The following SI variants were observed in gnomAD, a reference collection of about 807,000 sequenced individuals.
SI encodes sucrase-isomaltase, intestinal.
Under a neutral mutation model 253.3 loss-of-function variants are expected in SI, and 235 were observed. That is an observed-to-expected ratio of 0.93 (90% CI 0.83 to 1.03). The LOEUF is 1.03. SI is among the 50% of genes least tolerant of loss of function. The pLI is 0.00. For synonymous variants in SI, 819 were observed against 712.0 expected (o/e 1.15, Z -2.39); for missense variants, 2,442 against 2,211.1 (o/e 1.10, Z -2.09).
At chr3:164,996,447 T>C (rs1373669667) in intron 40 of SI, 88 bp downstream of exon 40, 6 of 830,050 alleles carry the variant, frequency 7.2e-6, no homozygotes, top group Non-Finnish European at 1.1e-5. Context: ...TCAATAAATA[T>C]ACCAGCTAAC....
chr3:165,050,066 TAG>T (rs1235256885), intron 13 of SI, among the ~76,000 whole-genome samples, 191 bp from the exon 14 acceptor site: 1 of 152,112 alleles, frequency 6.6e-6, no homozygotes, highest in Admixed American at 6.6e-5. Flanking sequence ...TTAGATGGGA[TAG>T]AGAGATTTTA....
rs1476038133 is a variant in SI, at chr3:165,055,301, G to A, written c.1405C>T (p.Pro469Ser). ...AAATCAGGGTATACTGTTAATCCTG[G>A]CCATACCTAGAAGAATAGATCATTC... The part of the protein sequence containing the change: ...GSTPIIGEVW[P>S]GLTVYPDFTN... Residue 469 changes from proline (P) to serine (S), a missense_variant, in exon 13 of 48, where the codon CCA becomes TCA. By Grantham distance (74) the Pro-to-Ser change is moderately conservative. Transcript: ENST00000264382. 1 of 1,547,994 alleles carries A rather than the reference G, an allele frequency of 6.5e-7. No homozygotes were observed. Among genetic ancestry groups the A allele is most frequent in the Non-Finnish European group, 8.9e-7 (1 of 1,121,432 alleles).
chr3:165,017,924 A>G (rs759768655), intron 29 of SI, 46 bp downstream of exon 29: 1 of 1,581,984 alleles, frequency 6.3e-7, no homozygotes, highest in South Asian at 1.1e-5. Context: ...CTAGTTTATG[A>G]AAAAGTCACA....
intron 21 of SI, among the ~76,000 whole-genome samples, chr3:165,037,621 A>T (rs937212112): frequency 2.0e-5 from 3 of 151,948 alleles, no homozygotes; most frequent in African/African-American, 7.2e-5. Context: ...ATAGTTATTA[A>T]GAATCAAATA....
At chr3:165,014,647 A>G (rs963244533) in intron 33 of SI, among the ~76,000 whole-genome samples, 5 of 152,126 alleles carry the variant, frequency 3.3e-5, no homozygotes, top group Admixed American at 2.6e-4. Flanking sequence ...GCCAAATCAA[A>G]ATATTTTTGT....
chr3:165,052,761 C>T (rs1713497787), intron 13 of SI, among the ~76,000 whole-genome samples: 1 of 152,062 alleles, frequency 6.6e-6, no homozygotes, highest in Non-Finnish European at 1.5e-5. Context: ...TTTATACTCA[C>T]ATTTAAACTA....
chr3:165,059,932 T>TA lies in SI; in HGVS notation c.1115dup (p.Arg373LysfsTer11). 1 of 1,612,236 alleles carries TA rather than the reference T, an allele frequency of 6.2e-7. No individual in the cohort carries two copies. The highest frequency in any genetic ancestry group is 1.3e-5 in the African/African-American group (1 of 74,984). ...GTATGCCAGCTTCCCGGTTTCTCCT[T>TA]ACCACTTCTTTCACTACATCTAGTG... On this transcript the variant is annotated frameshift_variant, in exon 10 of 48. Coordinates refer to ENST00000264382, the MANE Select transcript of SI (RefSeq NM_001041.4). LOFTEE classifies it high-confidence loss of function.
intron 16 of SI, among the ~76,000 whole-genome samples, chr3:165,044,454 C>A (rs1383754141): frequency 6.6e-6 from 1 of 151,896 alleles, no homozygotes; most frequent in African/African-American, 2.4e-5. Flanking sequence ...AATTTTATCA[C>A]CTTTCTTCAT....
At chr3:165,040,855 C>A (rs1048766441) in intron 18 of SI, 85 bp downstream of exon 18, 5 of 1,085,228 alleles carry the variant, frequency 4.6e-6, no homozygotes, top group Admixed American at 1.8e-5. Context: ...TAATTGATAT[C>A]TTGATTTACC....
chr3:165,071,628 T>C (rs1024472292), intron 3 of SI, among the ~76,000 whole-genome samples: 2 of 152,028 alleles, frequency 1.3e-5, no homozygotes, highest in African/African-American at 2.4e-5. Context: ...TATTTGGAGA[T>C]AGGTCCTTTA....
At chr3:165,032,959 T>G (rs894637972) in intron 23 of SI, among the ~76,000 whole-genome samples, 2 of 151,492 alleles carry the variant, frequency 1.3e-5, no homozygotes, top group African/African-American at 4.8e-5. Context: ...TGATGAAGAA[T>G]AATTTAGCTT....
intron 45 of SI, among the ~76,000 whole-genome samples, chr3:164,984,230 T>C (rs1307257819): frequency 6.6e-6 from 1 of 152,220 alleles, no homozygotes; most frequent in East Asian, 1.9e-4. Flanking sequence ...TGGGGTAACA[T>C]TGAAAAAGCA....
rs1012189900 is a variant in SI at position 165,036,557 on chromosome 3, A to G, written c.2427-80T>C. 41 of 953,716 alleles carry G rather than the reference A, an allele frequency of 4.3e-5. 1 individual carries two copies. The African/African-American group carries it at 4.7e-4, about 11-fold the overall frequency. The allele number at this position is 953,716 out of a possible 1,614,324, so 59.1% of individuals were successfully genotyped here. ...ATATCCTATAAACAAGTCCACTTCA[A>G]CCTGTCTGTTTTATGGGCCCTGAAT... is the stretch of plus-strand genomic sequence containing the variant. On this transcript the variant is annotated intron_variant, in intron 21 of 47. Coordinates refer to ENST00000264382, the MANE Select transcript of SI (RefSeq NM_001041.4).
intron 38 of SI, 105 bp downstream of exon 38, chr3:164,998,432 TGAA>T: frequency 8.4e-7 from 1 of 1,190,474 alleles, no homozygotes; most frequent in Non-Finnish European, 1.2e-6. Context: ...AAGTACGATG[TGAA>T]GAACAAAATT....
chr3:165,081,399 A>T (rs1715318525), upstream of SI, among the ~76,000 whole-genome samples: 2 of 152,090 alleles, frequency 1.3e-5, no homozygotes, highest in South Asian at 4.1e-4. Flanking sequence ...ATTAATGTTC[A>T]ACTACTCTCT....
chr3:165,032,779 G>T (rs1009778048), intron 23 of SI, 87 bp from the exon 24 acceptor site: 6 of 839,240 alleles, frequency 7.1e-6, no homozygotes, highest in African/African-American at 1.7e-5. Flanking sequence ...GCAAAAAAAG[G>T]TCATCATCTA....
At chr3:165,014,581 T>A (rs1025797146) in intron 33 of SI, among the ~76,000 whole-genome samples, 2 of 152,132 alleles carry the variant, frequency 1.3e-5, no homozygotes, top group Admixed American at 6.5e-5. Context: ...GTGTTATCAT[T>A]GTTGTTCATT....
intron 18 of SI, 60 bp downstream of exon 18, chr3:165,040,880 C>T: frequency 7.3e-7 from 1 of 1,366,938 alleles, no homozygotes; most frequent in Non-Finnish European, 1.0e-6. Context: ...TTAAACTTTT[C>T]TGTGTATGTT....
chr3:165,003,756 T>C lies in SI; in HGVS notation c.4406+3060A>G, dbSNP rs140806621. Among the ~76,000 whole-genome samples, 98 of 152,136 alleles carry C rather than the reference T, an allele frequency of 6.4e-4. 2 individuals are homozygous for C. Among genetic ancestry groups the C allele is most frequent in the African/African-American group, 2.1e-3 (86 of 41,548 alleles). ...GCTATAAAAGAGACCAATTAAATAA[T>C]AATTTATTTAAAAATCACAAGCCTT... On this transcript the variant is annotated intron_variant, in intron 37 of 47. Transcript: ENST00000264382.
Sources: allele counts gnomAD v4.1 joint callset (sites outside exome capture counted in the v4.1 genomes callset), GRCh38; gene constraint gnomAD v4.1.1; transcripts MANE v1.5; gene names NCBI Gene and HGNC (gene_info 2026-07-23, HGNC 2026-07-21).